The following ARIH1 variants were observed in gnomAD, a reference collection of about 807,000 sequenced individuals.
The protein encoded by ARIH1 is E3 ubiquitin-protein ligase ARIH1.
ARIH1 carries 8 observed loss-of-function variants against 85.0 expected under a neutral mutation model. The ratio of observed to expected loss-of-function variants is 0.09; its 90% CI spans 0.06 to 0.17. The LOEUF is 0.17. Ranked by LOEUF, ARIH1 falls within the 10% of genes least tolerant of loss-of-function variation. ARIH1 has a pLI of 1.00. For missense variants in ARIH1, 311 were observed against 718.1 expected (o/e 0.43, Z 6.48); for synonymous variants, 238 against 253.6 (o/e 0.94, Z 0.59).
intron 1 of ARIH1, among the ~76,000 whole-genome samples, chr15:72,491,305 C>G (rs1164629905): frequency 2.0e-5 from 3 of 151,176 alleles, no homozygotes; most frequent in African/African-American, 4.9e-5. Context: ...AATGCTTCCC[C>G]CCACCCCCCC....
In ARIH1 at chr15:72,602,483, TTTG is replaced by T. The variant is rs1420394481; in HGVS notation, c.*19192_*19194del. ...TACTTATTATCTAATGTCTGACTAA[TTTG>T]CTACACTCTAAATTCCCAATTCATA... On this transcript the variant is annotated 3_prime_UTR_variant, in exon 14 of 14. Transcript: ENST00000379887. 1.3e-5 allele frequency: 2 copies of T among 152,274 alleles called. No individual in the cohort carries two copies. Among genetic ancestry groups the T allele is most frequent in the African/African-American group, 4.8e-5 (2 of 41,472 alleles). 9.4% of individuals were successfully genotyped at this position (152,274 alleles called of 1,614,324 possible). A position where few individuals can be genotyped will look rare whatever the true frequency, so the allele number is the denominator to read the frequency against.
In ARIH1 at chr15:72,591,383, G is replaced by A. The variant is rs889906167; in HGVS notation, c.*8091G>A. 1 of 152,060 alleles carries A rather than the reference G, an allele frequency of 6.6e-6. No individual in the cohort carries two copies. The highest frequency in any genetic ancestry group is 6.6e-5 in the Admixed American group (1 of 15,262). 9.4% of individuals were successfully genotyped at this position (152,060 alleles called of 1,614,324 possible). On this transcript the variant is annotated 3_prime_UTR_variant, in exon 14 of 14. Transcript: ENST00000379887. ...ATTTGTTTCTGTATAACAGAGTAGT[G>A]CCCTATAAGCCAGTTCAGTGCACAT...
At chr15:72,536,044 A>G (rs1478903244) in intron 2 of ARIH1, among the ~76,000 whole-genome samples, 2 of 152,128 alleles carry the variant, frequency 1.3e-5, no homozygotes, top group Non-Finnish European at 2.9e-5. Flanking sequence ...TATGTGTTTG[A>G]TGATCTTGGT....
intron 10 of ARIH1, among the ~76,000 whole-genome samples, chr15:72,571,344 T>G (rs1447435597): frequency 6.6e-6 from 1 of 152,096 alleles, no homozygotes; most frequent in Non-Finnish European, 1.5e-5. Context: ...CATAAAATGT[T>G]TAAGGGATTA....
At chr15:72,533,433 T>C (rs961029786) in intron 2 of ARIH1, among the ~76,000 whole-genome samples, 1 of 152,222 alleles carries the variant, frequency 6.6e-6, no homozygotes, top group African/African-American at 2.4e-5. Context: ...CCCTGGCTGT[T>C]AATATTCACT....
intron 1 of ARIH1, among the ~76,000 whole-genome samples, chr15:72,511,907 A>G (rs1206893032): frequency 2.0e-5 from 3 of 151,846 alleles, no homozygotes; most frequent in East Asian, 3.9e-4. Context: ...AATTTTGTCA[A>G]ATGCTTTATT....
chr15:72,574,077 T>C (rs1028811331), intron 11 of ARIH1, among the ~76,000 whole-genome samples: 2 of 152,230 alleles, frequency 1.3e-5, no homozygotes, highest in African/African-American at 2.4e-5. Context: ...TAGCCAGATA[T>C]GCTGTTTATC....
intron 3 of ARIH1, among the ~76,000 whole-genome samples, chr15:72,547,908 C>T (rs1183898406): frequency 2.0e-5 from 3 of 152,180 alleles, no homozygotes; most frequent in Non-Finnish European, 4.4e-5. Context: ...ATAACTTTCT[C>T]GCTGTTCTTA....
intron 1 of ARIH1, among the ~76,000 whole-genome samples, chr15:72,503,887 G>C (rs955071993): frequency 3.3e-5 from 5 of 152,160 alleles, no homozygotes; most frequent in African/African-American, 1.2e-4. Flanking sequence ...TGGCACCCAG[G>C]TTGGGGTGCC....
intron 1 of ARIH1, among the ~76,000 whole-genome samples, chr15:72,500,098 CTCT>C (rs2063896377): frequency 2.3e-5 from 1 of 43,684 alleles, no homozygotes; most frequent in South Asian, 3.9e-3. Context: ...TGTCATTTCT[CTCT>C]TTTTTTTTTT....
intron 1 of ARIH1, among the ~76,000 whole-genome samples, chr15:72,479,502 G>A (rs1299397408): frequency 6.6e-6 from 1 of 151,844 alleles, no homozygotes; most frequent in African/African-American, 2.4e-5. Context: ...TCTGCCTCCT[G>A]GGTTCAAGCG....
At chr15:72,488,041 CTCTT>C (rs1265583802) in intron 1 of ARIH1, among the ~76,000 whole-genome samples, 2 of 151,892 alleles carry the variant, frequency 1.3e-5, no homozygotes, top group Non-Finnish European at 2.9e-5. Flanking sequence ...CTTTCTGTCT[CTCTT>C]TTTTCTTGAG....
At chr15:72,576,381 C>G (rs1362241849) in intron 11 of ARIH1, among the ~76,000 whole-genome samples, 1 of 151,828 alleles carries the variant, frequency 6.6e-6, no homozygotes, top group Admixed American at 6.6e-5. Flanking sequence ...TGGCGGGCAC[C>G]TGTAGTCCCA....
At chr15:72,511,275 G>A (rs1337926898) in intron 1 of ARIH1, among the ~76,000 whole-genome samples, 1 of 152,060 alleles carries the variant, frequency 6.6e-6, no homozygotes, top group Non-Finnish European at 1.5e-5. Flanking sequence ...TTCATTACTA[G>A]TATGTAAAAA....
intron 1 of ARIH1, among the ~76,000 whole-genome samples, chr15:72,480,726 G>C (rs1019159281): frequency 4.0e-5 from 6 of 151,896 alleles, no homozygotes; most frequent in Admixed American, 2.6e-4. Context: ...CACCACGCCT[G>C]GCTAATTTTG....
At chr15:72,538,188 A>G (rs2064091248) in intron 2 of ARIH1, among the ~76,000 whole-genome samples, 1 of 152,040 alleles carries the variant, frequency 6.6e-6, no homozygotes, top group South Asian at 2.1e-4. Context: ...ACATGGCGAA[A>G]CCCCATCTCT....
At chr15:72,551,559 T>A (rs1464480905) in intron 3 of ARIH1, among the ~76,000 whole-genome samples, 1 of 152,222 alleles carries the variant, frequency 6.6e-6, no homozygotes, top group African/African-American at 2.4e-5. Context: ...TACATGGTGT[T>A]AGAGCAACTT....
At chr15:72,560,929 T>C (rs189763068) in intron 5 of ARIH1, among the ~76,000 whole-genome samples, 14 of 152,302 alleles carry the variant, frequency 9.2e-5, no homozygotes, top group Admixed American at 2.6e-4. Flanking sequence ...TTGTGAGTTA[T>C]AGTGTTCAGA....
At chr15:72,489,399 A>G (rs1282064697) in intron 1 of ARIH1, among the ~76,000 whole-genome samples, 1 of 152,192 alleles carries the variant, frequency 6.6e-6, no homozygotes, top group Non-Finnish European at 1.5e-5. Context: ...TTGCAGGGCA[A>G]TGAGGAGGTA....
Sources: gnomAD v4.1 joint callset for allele counts (sites outside exome capture counted in the v4.1 genomes callset) on GRCh38, gnomAD v4.1.1 for gene constraint, MANE v1.5 for transcripts, NCBI Gene and HGNC (gene_info 2026-07-23, HGNC 2026-07-21) for gene names.